Variants in DIP2C observed in about 807,000 individuals in gnomAD.
DIP2C encodes disco-interacting protein 2 homolog C.
Under a neutral mutation model 192.4 loss-of-function variants are expected in DIP2C, and 33 were observed. That is an observed-to-expected ratio of 0.17 (90% confidence interval 0.13 to 0.23). The LOEUF is 0.23. Among genes scored for constraint, DIP2C ranks in the 10% least tolerant of loss-of-function variants. The pLI is 1.00. For synonymous variants in DIP2C, 979 were observed against 864.1 expected, an observed-to-expected ratio of 1.13 and a Z score of -2.33; for missense variants, 1,537 against 2,110.1, an observed-to-expected ratio of 0.73 and a Z score of 5.32.
At chr10:336,921 T>TGTGTGTG (rs59758615) in intron 29 of DIP2C, among the ~76,000 whole-genome samples, 34 of 50,002 alleles carry the variant, frequency 6.8e-4, no homozygotes, top group Admixed American at 1.6e-3. Context: ...TGTGTGTGTG[T>TGTGTGTG]TGTGGAGGCC....
At chr10:458,574 G>A (rs974405473) in intron 3 of DIP2C, among the ~76,000 whole-genome samples, 20 of 149,040 alleles carry the variant, frequency 1.3e-4, no homozygotes, top group Non-Finnish European at 2.5e-4. Flanking sequence ...CTCAGAACCC[G>A]TGACGGCAAG....
intron 1 of DIP2C, among the ~76,000 whole-genome samples, chr10:517,124 C>A (rs1846414298): frequency 6.6e-6 from 1 of 151,986 alleles, no homozygotes; most frequent in African/African-American, 2.4e-5. Context: ...CTCCATCCCA[C>A]CAGCCTGCAT....
chr10:381,584 A>G (rs564813214), intron 17 of DIP2C, among the ~76,000 whole-genome samples: 1 of 152,290 alleles, frequency 6.6e-6, no homozygotes, highest in African/African-American at 2.4e-5. Flanking sequence ...AGCAGGCCGC[A>G]GCCGACCTGA....
At chr10:639,249 C>CG (rs1268827501) in intron 1 of DIP2C, among the ~76,000 whole-genome samples, 1 of 100,940 alleles carries the variant, frequency 9.9e-6, no homozygotes, top group Non-Finnish European at 2.0e-5. Context: ...CGCGTCAGGT[C>CG]GGGGGGTGCT....
chr10:577,092 TG>T (rs1850211601), intron 1 of DIP2C, among the ~76,000 whole-genome samples: 1 of 152,206 alleles, frequency 6.6e-6, no homozygotes. Context: ...ACACCTCAAG[TG>T]TGACTAACAA....
chr10:655,759 A>G (rs1336824708), intron 1 of DIP2C, among the ~76,000 whole-genome samples: 1 of 152,256 alleles, frequency 6.6e-6, no homozygotes, highest in Non-Finnish European at 1.5e-5. Flanking sequence ...GTCCTATTGT[A>G]TACTATACTA....
At chr10:560,553 C>T (rs139783642) in intron 1 of DIP2C, among the ~76,000 whole-genome samples, 43 of 152,316 alleles carry the variant, frequency 2.8e-4, no homozygotes, top group African/African-American at 9.6e-4. Flanking sequence ...TCTTGATTCT[C>T]AGGCTGGTTT....
At chr10:574,138 C>T (rs906726066) in intron 1 of DIP2C, among the ~76,000 whole-genome samples, 2 of 152,220 alleles carry the variant, frequency 1.3e-5, no homozygotes, top group Non-Finnish European at 2.9e-5. Context: ...ACTACACGGC[C>T]AGTAAGTTTA....
At chr10:412,109 C>T (rs753058942) in intron 8 of DIP2C, among the ~76,000 whole-genome samples, 4 of 152,184 alleles carry the variant, frequency 2.6e-5, no homozygotes, top group Non-Finnish European at 5.9e-5. Context: ...CTTAACCTTG[C>T]AGGAAGGGGA....
At chr10:539,929 T>TG (rs1351785970) in intron 1 of DIP2C, among the ~76,000 whole-genome samples, 1 of 152,142 alleles carries the variant, frequency 6.6e-6, no homozygotes, top group African/African-American at 2.4e-5. Flanking sequence ...CCCCTAAATA[T>TG]GAAAATGTTT....
At chr10:300,994 A>G (rs756651636) in intron 32 of DIP2C, among the ~76,000 whole-genome samples, 7 of 152,208 alleles carry the variant, frequency 4.6e-5, no homozygotes, top group Non-Finnish European at 1.0e-4. Context: ...TATTTCAACA[A>G]AAGAACTATC....
chr10:554,512 CTT>C (rs1848742556), intron 1 of DIP2C, among the ~76,000 whole-genome samples: 3 of 152,262 alleles, frequency 2.0e-5, no homozygotes, highest in South Asian at 4.1e-4. Context: ...TATAAAATAA[CTT>C]AAATACTTCA....
At chr10:606,253 C>T (rs1054649911) in intron 1 of DIP2C, among the ~76,000 whole-genome samples, 5 of 152,174 alleles carry the variant, frequency 3.3e-5, no homozygotes, top group Non-Finnish European at 5.9e-5. Context: ...CCCCAGAGGA[C>T]CACTGAGGCC....
chr10:689,653 G>A lies in DIP2C; in HGVS notation c.-75C>T. 1.1e-5 allele frequency: 11 copies of A among 994,038 alleles called. No individual in the cohort carries two copies. The highest frequency in any genetic ancestry group is 1.2e-5 in the Non-Finnish European group (10 of 822,474). 61.6% of individuals were successfully genotyped at this position (994,038 alleles called of 1,614,324 possible). On this transcript the variant is annotated 5_prime_UTR_variant, in exon 1 of 37. Transcript: ENST00000280886. The surrounding 1 kb of genome is among the most constrained non-coding windows in gnomAD (Gnocchi z 6.1). ...AGGTCTCGGCGGCTCCTCGCGCCCG[G>A]CGGAACCGCACCGAGGAGGAGGCGG...
chr10:662,006 C>A, intron 1 of DIP2C: 1 of 713,364 alleles, frequency 1.4e-6, no homozygotes, highest in South Asian at 1.5e-5. Context: ...CCTCCTCTCG[C>A]CATGGCGAGT....
At chr10:452,892 G>C (rs1310624084) in intron 3 of DIP2C, among the ~76,000 whole-genome samples, 1 of 152,246 alleles carries the variant, frequency 6.6e-6, no homozygotes, top group Non-Finnish European at 1.5e-5. Context: ...TCTCCCTTGA[G>C]AGCCAACGCC....
At chr10:542,468 T>G (rs897815786) in intron 1 of DIP2C, among the ~76,000 whole-genome samples, 4 of 152,228 alleles carry the variant, frequency 2.6e-5, no homozygotes, top group African/African-American at 9.7e-5. Context: ...CCAGCAGGAC[T>G]GCCAGCGGCC....
At chr10:583,473 T>C (rs917532301) in intron 1 of DIP2C, among the ~76,000 whole-genome samples, 39 of 152,250 alleles carry the variant, frequency 2.6e-4, no homozygotes, top group Admixed American at 2.6e-3. Context: ...ATTCTCCTAG[T>C]GAACTTTCAA....
intron 1 of DIP2C, among the ~76,000 whole-genome samples, chr10:513,584 A>AG (rs1846166113): frequency 6.6e-6 from 1 of 151,824 alleles, no homozygotes; most frequent in East Asian, 1.9e-4. Flanking sequence ...GCCACACTGC[A>AG]GCCTGCAATT....
Sources: allele counts gnomAD v4.1 joint callset (sites outside exome capture counted in the v4.1 genomes callset), GRCh38; gene constraint gnomAD v4.1.1; non-coding constraint Gnocchi (gnomAD v3.1); transcripts MANE v1.5; gene names NCBI Gene and HGNC (gene_info 2026-07-23, HGNC 2026-07-21).